FARS2: variants seen among roughly 807,000 people sequenced by gnomAD.
FARS2 encodes the protein phenylalanine--tRNA ligase, mitochondrial.
FARS2 carries 40 observed loss-of-function variants against 46.4 expected under a neutral mutation model. The ratio of observed to expected loss-of-function variants is 0.86; its 90% CI spans 0.67 to 1.12. The LOEUF is 1.12. Among genes scored for constraint, FARS2 ranks in the 50% most tolerant of loss-of-function variants. The pLI, the probability that FARS2 is intolerant of heterozygous loss-of-function variation, is 0.00. For synonymous variants in FARS2, 234 were observed against 214.9 expected (o/e 1.09, Z -0.78); for missense variants, 513 against 567.9 (o/e 0.90, Z 0.98).
chr6:5,335,748 T>C (rs809962), intron 1 of FARS2, among the ~76,000 whole-genome samples: 61,129 of 151,996 alleles, frequency 0.4, 12,605 homozygotes, highest in African/African-American at 0.46. Flanking sequence ...AGAAATTGTG[T>C]GACCAGTAAT....
intron 4 of FARS2, chr6:5,431,957 T>G (rs1343035560): frequency 1.9e-5 from 2 of 103,236 alleles, no homozygotes; most frequent in South Asian, 2.4e-4. Flanking sequence ...TAAGTCACTG[T>G]CTGAATGTAA....
intron 2 of FARS2, among the ~76,000 whole-genome samples, chr6:5,392,110 AG>A (rs1241251366): frequency 1.3e-5 from 2 of 152,202 alleles, no homozygotes; most frequent in Non-Finnish European, 2.9e-5. Flanking sequence ...AGATACTTAG[AG>A]GTCCCTGGAA....
Position 5,613,184 on chromosome 6 carries a change from C to G in FARS2, c.1081C>G (p.Pro361Ala). ...GTTTTGTTAGCCTCTTAGCAAATATCCGGCTGTGATCAATGATATTTCATT... is the reference window on the plus strand; with the variant it reads ...GTTTTGTTAGCCTCTTAGCAAATATGCGGCTGTGATCAATGATATTTCATT... ...KVKFQPLSKY[P>A]AVINDISFWL... Residue 361 changes from proline (P) to alanine (A), a missense_variant, in exon 6 of 7, where the codon CCG becomes GCG. Coordinates refer to ENST00000274680, the MANE Select transcript of FARS2 (RefSeq NM_006567.5). The G allele has an allele frequency of 6.2e-7, 1 of 1,612,526 alleles. No individual in the cohort carries two copies. The highest frequency in any genetic ancestry group is 8.5e-7 in the Non-Finnish European group (1 of 1,179,336).
chr6:5,289,367 A>C (rs1427802004), intron 1 of FARS2, among the ~76,000 whole-genome samples: 3 of 152,344 alleles, frequency 2.0e-5, no homozygotes, highest in South Asian at 4.1e-4. Context: ...AAAACGCACA[A>C]ACAAAGCAAT....
At chr6:5,455,362 G>T (rs1764787758) in intron 4 of FARS2, among the ~76,000 whole-genome samples, 2 of 152,148 alleles carry the variant, frequency 1.3e-5, no homozygotes, top group Non-Finnish European at 2.9e-5. Flanking sequence ...TTAGTCTCCA[G>T]GGAAGCAGCA....
At chr6:5,256,693 C>T (rs1345914599), upstream of FARS2, among the ~76,000 whole-genome samples, 1 of 151,960 alleles carries the variant, frequency 6.6e-6, no homozygotes, top group African/African-American at 2.4e-5. Flanking sequence ...GCTCATCACT[C>T]CTCTGAGCTT....
intron 1 of FARS2, among the ~76,000 whole-genome samples, chr6:5,279,490 T>G (rs1239487067): frequency 2.0e-5 from 3 of 150,234 alleles, no homozygotes; most frequent in South Asian, 2.1e-4. Flanking sequence ...GTTGAGTGAG[T>G]TGCTGAGTGT....
intron 5 of FARS2, among the ~76,000 whole-genome samples, chr6:5,581,529 A>G (rs1233992317): frequency 6.6e-6 from 1 of 152,228 alleles, no homozygotes; most frequent in Non-Finnish European, 1.5e-5. Flanking sequence ...GGTGTGTGCC[A>G]GTTGCTGGGT....
At chr6:5,426,322 C>T (rs1338459618) in intron 3 of FARS2, among the ~76,000 whole-genome samples, 2 of 152,166 alleles carry the variant, frequency 1.3e-5, no homozygotes, top group Non-Finnish European at 2.9e-5. Context: ...AAATTCTCCT[C>T]TATTAATATA....
At chr6:5,470,857 A>G (rs989325908) in intron 4 of FARS2, among the ~76,000 whole-genome samples, 52 of 152,334 alleles carry the variant, frequency 3.4e-4, no homozygotes, top group African/African-American at 1.2e-3. Context: ...CAATTTTTTT[A>G]TCTTTTTAAT....
chr6:5,275,715 C>T (rs138530343), intron 1 of FARS2, among the ~76,000 whole-genome samples: 14 of 151,988 alleles, frequency 9.2e-5, no homozygotes, highest in African/African-American at 2.4e-4. Context: ...CCCTACTGGC[C>T]AGGATTTAGG....
chr6:5,525,264 T>TTTTTTTTTTTTTTTTG (rs1769390490), intron 4 of FARS2, among the ~76,000 whole-genome samples: 1 of 151,182 alleles, frequency 6.6e-6, no homozygotes. Flanking sequence ...TTAATATTAT[T>TTTTTTTTTTTTTTTTG]AGTGACTTAT....
At chr6:5,480,919 G>A (rs1287799533) in intron 4 of FARS2, among the ~76,000 whole-genome samples, 2 of 152,212 alleles carry the variant, frequency 1.3e-5, no homozygotes, top group South Asian at 2.1e-4. Context: ...AACATCGAGT[G>A]TGTATGAGTG....
At chr6:5,466,531 G>C (rs1765524832) in intron 4 of FARS2, 6 of 984,958 alleles carry the variant, frequency 6.1e-6, no homozygotes, top group Non-Finnish European at 7.2e-6. Context: ...TACCTCATTG[G>C]AAGTTTTGTT....
intron 5 of FARS2, among the ~76,000 whole-genome samples, chr6:5,584,515 C>T (rs181295608): frequency 4.4e-4 from 67 of 152,270 alleles, no homozygotes; most frequent in Non-Finnish European, 6.5e-4. Flanking sequence ...AATTCCTCCT[C>T]CCAGCCTTCC....
chr6:5,443,356 A>G (rs1247120526), intron 4 of FARS2, among the ~76,000 whole-genome samples: 3 of 152,178 alleles, frequency 2.0e-5, no homozygotes, highest in African/African-American at 7.2e-5. Context: ...TATTGTTCCA[A>G]GTTCTTCACC....
chr6:5,568,066 G>A (rs2150552928), intron 5 of FARS2, among the ~76,000 whole-genome samples: 1 of 152,306 alleles, frequency 6.6e-6, no homozygotes, highest in East Asian at 1.9e-4. Flanking sequence ...GTTGACTTGT[G>A]ATTATGTGAA....
At chr6:5,271,209 A>G (rs1171733549) in intron 1 of FARS2, among the ~76,000 whole-genome samples, 3 of 152,098 alleles carry the variant, frequency 2.0e-5, no homozygotes, top group African/African-American at 7.2e-5. Context: ...GTCTGGCCAG[A>G]GTCCTCTCTC....
At chr6:5,252,967 T>C in the FARS2 span, among the ~76,000 whole-genome samples, 3 of 152,216 alleles carry the variant, frequency 2.0e-5, no homozygotes, top group African/African-American at 7.2e-5. Context: ...CTATGACTTC[T>C]GGTCAAAAGC....
Sources: gnomAD v4.1 joint callset for allele counts (sites outside exome capture counted in the v4.1 genomes callset) on GRCh38, gnomAD v4.1.1 for gene constraint, MANE v1.5 for transcripts, NCBI Gene and HGNC (gene_info 2026-07-23, HGNC 2026-07-21) for gene names.